The following CALN1 variants were observed in gnomAD, a reference collection of about 807,000 sequenced individuals.
The protein encoded by CALN1 is calcium-binding protein 8.
In CALN1, 17 loss-of-function variants were observed where a neutral mutation model predicts 30.6. That is an observed-to-expected ratio of 0.56 (90% CI 0.38 to 0.83). The LOEUF (loss-of-function observed/expected upper bound fraction) is 0.83. Among genes scored for constraint, CALN1 ranks in the 40% least tolerant of loss-of-function variants. The pLI, the probability that CALN1 is intolerant of heterozygous loss-of-function variation, is 0.00. For synonymous variants in CALN1, 156 were observed against 131.4 expected (o/e 1.19, Z -1.28); for missense variants, 291 against 354.9 (o/e 0.82, Z 1.45).
rs1200287951 is a variant in CALN1, at chr7:72,271,922, C to A, written c.244+6764G>T. On this transcript the variant is annotated intron_variant, in intron 3 of 6. Coordinates refer to ENST00000395275, the MANE Select transcript of CALN1 (RefSeq NM_031468.4). ...ACTAAAAATACAAAATGTAGGCGGG[C>A]GTGATGGTGGGCACCTGTAATCCCA... 4.0e-5 allele frequency among the ~76,000 whole-genome samples: 6 copies of A among 151,556 alleles called. 1 individual carries two copies. The highest frequency in any genetic ancestry group is 1.5e-5 in the Non-Finnish European group (1 of 67,884).
intron 5 of CALN1, among the ~76,000 whole-genome samples, chr7:71,921,041 T>A (rs903401964): frequency 6.6e-5 from 10 of 152,194 alleles, no homozygotes; most frequent in Non-Finnish European, 1.0e-4. Context: ...AAGGATGCGT[T>A]CATGTCCTTT....
At chr7:72,299,205 T>C (rs966853141) in intron 2 of CALN1, among the ~76,000 whole-genome samples, 1 of 152,118 alleles carries the variant, frequency 6.6e-6, no homozygotes, top group African/African-American at 2.4e-5. Flanking sequence ...TTTCCTCCTT[T>C]TATTCTTATA....
intron 1 of CALN1, among the ~76,000 whole-genome samples, chr7:72,411,672 G>C (rs374245695): frequency 1.3e-5 from 2 of 152,302 alleles, no homozygotes; most frequent in South Asian, 4.1e-4. Flanking sequence ...AAGTGGATAA[G>C]TTCTCAATGA....
Position 71,933,554 on chromosome 7 carries a change from C to A in CALN1, c.501+90103G>T, listed in dbSNP as rs147472156. Among the ~76,000 whole-genome samples the A allele has an allele frequency of 6.1e-3, 927 of 152,222 alleles. 9 individuals carry two copies. Among genetic ancestry groups the A allele is most frequent in the African/African-American group, 0.021 (877 of 41,524 alleles). Reference sequence around the variant, plus strand: ...GGGTATTTACCCTAGACAACCACACCGCTTCAACATCGTAAAAGAAATGGT... The same window carrying A: ...GGGTATTTACCCTAGACAACCACACAGCTTCAACATCGTAAAAGAAATGGT... On this transcript the variant is annotated intron_variant, in intron 5 of 6. Transcript: ENST00000395275.
In CALN1 at chr7:71,798,784, A is replaced by G. The variant is rs574238160; in HGVS notation, c.659-10882T>C. On this transcript the variant is annotated intron_variant, in intron 6 of 6. Coordinates refer to ENST00000395275, the MANE Select transcript of CALN1 (RefSeq NM_031468.4). Reference sequence around the variant, plus strand: ...TTACAGGCATGCACCACCATGACCGACTAGCTTTTTTTTGTATTTTTAGTA... The same window carrying G: ...TTACAGGCATGCACCACCATGACCGGCTAGCTTTTTTTTGTATTTTTAGTA... Among the ~76,000 whole-genome samples the G allele has an allele frequency of 4.7e-4, 71 of 150,668 alleles. 2 individuals carry two copies. In the South Asian group the frequency reaches 0.014, roughly 31 times the overall value.
At position 71,847,695 on chromosome 7, in the gene CALN1, G is replaced by GAAGAAGA. The variant is rs749523708; in HGVS notation, c.502-37210_502-37204dup. Among the ~76,000 whole-genome samples the GAAGAAGA allele has an allele frequency of 1.2e-3, 144 of 119,798 alleles. 3 individuals are homozygous for GAAGAAGA. Among genetic ancestry groups the GAAGAAGA allele is most frequent in the Admixed American group, 1.5e-3 (16 of 10,998 alleles). The allele number at this position is 119,798 out of a possible 152,430, so 78.6% of individuals were successfully genotyped here. Reference sequence around the variant, plus strand: ...AGACTCTGTCAAAAAAAAAAAGGAGGAAGAAGAAAGAAGAAAGAAGAAAGA... The same window carrying GAAGAAGA: ...AGACTCTGTCAAAAAAAAAAAGGAGGAAGAAGAAAGAAGAAAGAAGAAAGAAGAAAGA... On this transcript the variant is annotated intron_variant, in intron 5 of 6. Transcript: ENST00000395275.
intron 5 of CALN1, among the ~76,000 whole-genome samples, chr7:71,914,079 G>A (rs1794565814): frequency 6.6e-6 from 1 of 152,108 alleles, no homozygotes; most frequent in Non-Finnish European, 1.5e-5. Flanking sequence ...AAATTCCGGG[G>A]TAAAAGTGCA....
chr7:72,397,086 A>T (rs527572910), intron 2 of CALN1, among the ~76,000 whole-genome samples: 1 of 151,768 alleles, frequency 6.6e-6, no homozygotes, highest in Non-Finnish European at 1.5e-5. Flanking sequence ...AATTTTTTTT[A>T]GTTTTGCAGA....
At chr7:71,940,652 T>C (rs1301439177) in intron 5 of CALN1, among the ~76,000 whole-genome samples, 1 of 152,134 alleles carries the variant, frequency 6.6e-6, no homozygotes, top group African/African-American at 2.4e-5. Context: ...CCAGGCCGGG[T>C]TGGTGTAGTG....
intron 5 of CALN1, among the ~76,000 whole-genome samples, chr7:71,848,111 T>G (rs1027737424): frequency 1.3e-5 from 2 of 152,184 alleles, no homozygotes; most frequent in Non-Finnish European, 2.9e-5. Context: ...AATTCACCAT[T>G]GCAGAAGTGA....
Position 71,968,653 on chromosome 7 carries a change from AT to A in CALN1, c.501+55003del, listed in dbSNP as rs1421294692. On this transcript the variant is annotated intron_variant, in intron 5 of 6. Transcript: ENST00000395275. Reference sequence around the variant, plus strand: ...CATCTCCGCCTCCCAAAGTGCTGGGATTACAGGTGTGAGCCACCGTGCCGGG... The same window carrying A: ...CATCTCCGCCTCCCAAAGTGCTGGGATACAGGTGTGAGCCACCGTGCCGGG... 2.0e-5 allele frequency among the ~76,000 whole-genome samples: 3 copies of A among 147,238 alleles called. No homozygotes were observed. The East Asian group carries it at 6.6e-4, about 32-fold the overall frequency.
At chr7:72,144,045 GGC>G (rs1281019793) in intron 3 of CALN1, among the ~76,000 whole-genome samples, 1 of 151,944 alleles carries the variant, frequency 6.6e-6, no homozygotes, top group African/African-American at 2.4e-5. Context: ...AGACCATCGA[GGC>G]TAGGAAGAAA....
At position 72,179,180 on chromosome 7, in the gene CALN1, A is replaced by G. The variant is rs1450073478; in HGVS notation, c.245-72886T>C. The stretch of plus-strand genomic sequence containing the variant: ...AGTATTATGACTTTCAAGGGCATTC[A>G]GTAACAAAACGAAGTAGATAAGAAA... On this transcript the variant is annotated intron_variant, in intron 3 of 6. Coordinates refer to ENST00000395275, the MANE Select transcript of CALN1 (RefSeq NM_031468.4). 2.0e-5 allele frequency among the ~76,000 whole-genome samples: 3 copies of G among 152,262 alleles called. No homozygotes were observed. In the East Asian group the frequency reaches 5.8e-4, roughly 29 times the overall value.
intron 5 of CALN1, among the ~76,000 whole-genome samples, chr7:71,924,882 T>C (rs1407507330): frequency 6.6e-6 from 1 of 152,222 alleles, no homozygotes; most frequent in African/African-American, 2.4e-5. Context: ...CTTTAAAGGA[T>C]CAATTATTTT....
chr7:71,781,584 G>A lies in CALN1; in HGVS notation c.*6191C>T, dbSNP rs1424994563. 1 of 152,246 alleles carries A rather than the reference G, an allele frequency of 6.6e-6. No individual in the cohort carries two copies. The highest frequency in any genetic ancestry group is 2.4e-5 in the African/African-American group (1 of 41,458). The allele number at this position is 152,246 out of a possible 1,614,324, so 9.4% of individuals were successfully genotyped here. A position where few individuals can be genotyped will look rare whatever the true frequency, so the allele number is the denominator to read the frequency against. Reference sequence around the variant, plus strand: ...TAAGAACTTTCTTTGTCTCCCTCAGGTCCAGGGATGGAGCAATATCGCAGT... The same window carrying A: ...TAAGAACTTTCTTTGTCTCCCTCAGATCCAGGGATGGAGCAATATCGCAGT... On this transcript the variant is annotated 3_prime_UTR_variant, in exon 7 of 7. Transcript: ENST00000395275.
At chr7:72,441,822 T>A (rs1478000891) in intron 1 of CALN1, among the ~76,000 whole-genome samples, 3 of 152,002 alleles carry the variant, frequency 2.0e-5, no homozygotes, top group Non-Finnish European at 4.4e-5. Flanking sequence ...CTCCTGATGA[T>A]CTCATCTGAG....
intron 2 of CALN1, among the ~76,000 whole-genome samples, chr7:72,290,696 CCTCT>C (rs1024381975): frequency 2.6e-5 from 4 of 152,176 alleles, no homozygotes; most frequent in East Asian, 1.9e-4. Context: ...CACATTTTTA[CCTCT>C]CTGTGTATCT....
intron 5 of CALN1, among the ~76,000 whole-genome samples, chr7:71,875,609 G>C (rs1224281016): frequency 1.3e-5 from 2 of 152,164 alleles, no homozygotes; most frequent in Non-Finnish European, 2.9e-5. Context: ...GACTGTGGTA[G>C]AATAACATGC....
intron 2 of CALN1, among the ~76,000 whole-genome samples, chr7:72,321,272 C>T (rs1360828227): frequency 1.3e-5 from 2 of 152,174 alleles, no homozygotes; most frequent in Non-Finnish European, 2.9e-5. Flanking sequence ...CCTGTCGACA[C>T]TGACATGCTG....
Sources: gnomAD v4.1 joint callset for allele counts (sites outside exome capture counted in the v4.1 genomes callset) on GRCh38, gnomAD v4.1.1 for gene constraint, MANE v1.5 for transcripts, NCBI Gene and HGNC (gene_info 2026-07-23, HGNC 2026-07-21) for gene names.